ARMC3: variants seen among roughly 807,000 people sequenced by gnomAD.
The protein encoded by ARMC3 is armadillo repeat-containing protein 3.
In ARMC3, 74 loss-of-function variants were observed where a neutral mutation model predicts 90.3. The ratio of observed to expected loss-of-function variants is 0.82; its 90% confidence interval spans 0.68 to 0.99. The LOEUF is 0.99. Ranked by LOEUF, ARMC3 falls within the 50% of genes least tolerant of loss-of-function variation. ARMC3 has a pLI of 0.00. For synonymous variants in ARMC3, 334 were observed against 361.8 expected, an observed-to-expected ratio of 0.92 and a Z score of 0.87; for missense variants, 958 against 1,042.8, an observed-to-expected ratio of 0.92 and a Z score of 1.12.
intron 16 of ARMC3, among the ~76,000 whole-genome samples, chr10:23,027,450 C>G (rs1039412305): frequency 6.6e-6 from 1 of 152,170 alleles, no homozygotes; most frequent in Non-Finnish European, 1.5e-5. Context: ...TTGTTACTTA[C>G]TATATGAAAC....
intron 1 of ARMC3, 135 bp from the exon 2 acceptor site, chr10:22,931,861 A>AATTTTTACAAT (rs1833945512): frequency 2.9e-6 from 2 of 678,470 alleles, no homozygotes; most frequent in Non-Finnish European, 4.9e-6. Flanking sequence ...CATATGTGAT[A>AATTTTTACAAT]ATTTTTACAT....
intron 16 of ARMC3, among the ~76,000 whole-genome samples, chr10:23,011,994 A>G (rs1346282009): frequency 1.3e-5 from 2 of 152,208 alleles, no homozygotes; most frequent in Non-Finnish European, 2.9e-5. Flanking sequence ...ACCTTATTGT[A>G]CATATAGTCC....
At chr10:22,950,003 A>G (rs2131205046) in intron 3 of ARMC3, among the ~76,000 whole-genome samples, 1 of 152,254 alleles carries the variant, frequency 6.6e-6, no homozygotes, top group South Asian at 2.1e-4. Flanking sequence ...TAAAAGAAAA[A>G]TAAAAACTTT....
chr10:22,962,131 T>C (rs1588848463), intron 7 of ARMC3, 53 bp downstream of exon 7: 6 of 1,293,902 alleles, frequency 4.6e-6, no homozygotes, highest in Non-Finnish European at 6.1e-6. Flanking sequence ...CTCTCCCAAA[T>C]GTTTAAAAAT....
intron 16 of ARMC3, among the ~76,000 whole-genome samples, chr10:23,019,836 C>T (rs1186012280): frequency 6.6e-6 from 1 of 152,130 alleles, no homozygotes; most frequent in East Asian, 1.9e-4. Context: ...CAAGCCATCA[C>T]CATGCAGCCA....
At chr10:23,022,663 C>T (rs1838558504) in intron 16 of ARMC3, among the ~76,000 whole-genome samples, 1 of 152,158 alleles carries the variant, frequency 6.6e-6, no homozygotes, top group South Asian at 2.1e-4. Flanking sequence ...CTAGGGTAAG[C>T]AAATGCCTCT....
At chr10:23,004,877 A>G (rs1837501346) in intron 13 of ARMC3, among the ~76,000 whole-genome samples, 1 of 152,144 alleles carries the variant, frequency 6.6e-6, no homozygotes, top group Non-Finnish European at 1.5e-5. Context: ...CAATTATGAT[A>G]ATTTAAAGAG....
At chr10:23,009,966 A>T (rs559753917) in intron 16 of ARMC3, among the ~76,000 whole-genome samples, 22 of 152,248 alleles carry the variant, frequency 1.4e-4, no homozygotes, top group Admixed American at 1.4e-3. Context: ...CTGGGCCCCA[A>T]GTCTCCCAAG....
chr10:22,988,968 G>A (rs12258080), intron 10 of ARMC3, among the ~76,000 whole-genome samples: 1 of 152,186 alleles, frequency 6.6e-6, no homozygotes, highest in African/African-American at 2.4e-5. Flanking sequence ...ATATTGCTAA[G>A]GTTGTACAGC....
chr10:23,005,211 C>CAAAAAAAAAAAA (rs35706584), intron 13 of ARMC3, among the ~76,000 whole-genome samples: 1 of 60,966 alleles, frequency 1.6e-5, no homozygotes, highest in Non-Finnish European at 3.5e-5. Flanking sequence ...AGACTCGTCT[C>CAAAAAAAAAAAA]AAAAAAAAAA....
At chr10:23,002,597 CTTT>C (rs59137245) in intron 12 of ARMC3, among the ~76,000 whole-genome samples, 1 of 147,980 alleles carries the variant, frequency 6.8e-6, no homozygotes, top group African/African-American at 2.5e-5. Flanking sequence ...TCTTTCTTTT[CTTT>C]TTTTCTTTCT....
rs1386135961 is a variant in ARMC3 at position 22,955,706 on chromosome 10, G to A, written c.167-101G>A. The A allele has an allele frequency of 4.9e-6, 7 of 1,437,662 alleles. No homozygotes were observed. In the African/African-American group the frequency reaches 9.9e-5, roughly 20 times the overall value. The allele number at this position is 1,437,662 out of a possible 1,614,324, so 89.1% of individuals were successfully genotyped here. A position where few individuals can be genotyped will look rare whatever the true frequency, so the allele number is the denominator to read the frequency against. Reference sequence around the variant, plus strand: ...AATACGAACGGAAGCCAAGAGTAATGTGAAAGGCAAATGGCAAATAAGAAA... The same window carrying A: ...AATACGAACGGAAGCCAAGAGTAATATGAAAGGCAAATGGCAAATAAGAAA... On this transcript the variant is annotated intron_variant, in intron 3 of 18. Transcript: ENST00000298032.
chr10:23,016,007 A>G (rs1838254555), intron 16 of ARMC3, among the ~76,000 whole-genome samples: 2 of 152,108 alleles, frequency 1.3e-5, no homozygotes, highest in Admixed American at 6.6e-5. Flanking sequence ...ACACACTCAC[A>G]CACACTCACA....
intron 10 of ARMC3, chr10:22,997,143 A>G (rs998261342): frequency 1.3e-5 from 2 of 152,168 alleles, no homozygotes; most frequent in African/African-American, 2.4e-5. Flanking sequence ...ATTTATAGCA[A>G]TTCCAAACAT....
intron 4 of ARMC3, among the ~76,000 whole-genome samples, chr10:22,956,896 T>C (rs1834966287): frequency 2.0e-5 from 3 of 151,516 alleles, no homozygotes; most frequent in African/African-American, 7.3e-5. Flanking sequence ...TCCATTAGAA[T>C]ATCAGTTTGA....
chr10:22,980,505 G>A (rs1212525200), intron 8 of ARMC3, among the ~76,000 whole-genome samples: 1 of 151,718 alleles, frequency 6.6e-6, no homozygotes, highest in Non-Finnish European at 1.5e-5. Context: ...GAATTAGCTA[G>A]AACATAAAAA....
intron 11 of ARMC3, among the ~76,000 whole-genome samples, chr10:23,000,728 A>G (rs1588899194): frequency 1.3e-5 from 2 of 152,242 alleles, no homozygotes; most frequent in East Asian, 3.8e-4. Flanking sequence ...GTAATGTGTG[A>G]TAACAGGTAA....
chr10:23,019,887 A>T (rs1450588368), intron 16 of ARMC3, among the ~76,000 whole-genome samples: 1 of 152,192 alleles, frequency 6.6e-6, no homozygotes, highest in Non-Finnish European at 1.5e-5. Context: ...GAATAGGATC[A>T]TACAGTGTGT....
chr10:23,019,985 T>C (rs1277287152), intron 16 of ARMC3, among the ~76,000 whole-genome samples: 1 of 152,230 alleles, frequency 6.6e-6, no homozygotes, highest in East Asian at 1.9e-4. Flanking sequence ...TTTTGGAGTA[T>C]TATTTCACTG....
Sources: gnomAD v4.1 joint callset for allele counts (sites outside exome capture counted in the v4.1 genomes callset) on GRCh38, gnomAD v4.1.1 for gene constraint, MANE v1.5 for transcripts, NCBI Gene and HGNC (gene_info 2026-07-23, HGNC 2026-07-21) for gene names.